DENND2B: variants seen among roughly 807,000 people sequenced by gnomAD.
DENND2B encodes DENN domain containing 2B, also known as DENN domain-containing protein 2B.
DENND2B carries 32 observed loss-of-function variants against 116.0 expected under a neutral mutation model. The ratio of observed to expected loss-of-function variants is 0.28; its 90% CI spans 0.21 to 0.37. The LOEUF (loss-of-function observed/expected upper bound fraction) is 0.37, where lower values mean the gene tolerates loss of function less well. DENND2B is among the 10% of genes least tolerant of loss of function. The pLI is 1.00. For missense variants in DENND2B, 1,276 were observed against 1,477.7 expected (o/e 0.86, Z 2.24); for synonymous variants, 588 against 583.9 (o/e 1.01, Z -0.10).
rs568358767 is a variant in DENND2B, at chr11:8,786,110, C to T, written c.-26+24407G>A. 3.3e-5 allele frequency among the ~76,000 whole-genome samples: 5 copies of T among 152,310 alleles called. No individual in the cohort carries two copies. The East Asian group carries it at 9.6e-4, about 29-fold the overall frequency. The stretch of plus-strand genomic sequence containing the variant: ...GGTATGATATAAATCCATGCCCCTG[C>T]ATATTTTAGGCTCCATTTTCTAGCA... On this transcript the variant is annotated intron_variant, in intron 1 of 19. Coordinates refer to ENST00000313726, the MANE Select transcript of DENND2B (RefSeq NM_213618.2).
chr11:8,727,491 C>T (rs2047272714), intron 3 of DENND2B, among the ~76,000 whole-genome samples: 1 of 152,198 alleles, frequency 6.6e-6, no homozygotes, highest in African/African-American at 2.4e-5. Flanking sequence ...GAGGGGTTCT[C>T]CTTTTCCATT....
chr11:8,836,177 C>T (rs1422660233), intron 4 of DENND2B, among the ~76,000 whole-genome samples: 2 of 118,574 alleles, frequency 1.7e-5, no homozygotes, highest in African/African-American at 2.9e-5. Context: ...GAAACCCCGT[C>T]TCTACTAAAA....
At chr11:8,786,128 T>C (rs1233963151) in intron 1 of DENND2B, among the ~76,000 whole-genome samples, 1 of 152,220 alleles carries the variant, frequency 6.6e-6, no homozygotes, top group Non-Finnish European at 1.5e-5. Flanking sequence ...AGGCTCCATT[T>C]TCTAGCAGAT....
chr11:8,744,213 A>G (rs2050798706), intron 2 of DENND2B, among the ~76,000 whole-genome samples: 1 of 149,928 alleles, frequency 6.7e-6, no homozygotes, highest in African/African-American at 2.5e-5. Flanking sequence ...GGCTCACCAC[A>G]ACCTCCGCCT....
At chr11:8,808,843 A>G (rs1189994802) in intron 1 of DENND2B, 2 of 152,184 alleles carry the variant, frequency 1.3e-5, no homozygotes, top group South Asian at 2.1e-4. Context: ...TGGCCGCCCT[A>G]TGGGAACAGA....
At chr11:8,895,414 T>G (rs1206099453) in intron 1 of DENND2B, 1 of 152,072 alleles carries the variant, frequency 6.6e-6, no homozygotes, top group Non-Finnish European at 1.5e-5. Flanking sequence ...TTAAAAAAAA[T>G]GGATGGACAT....
chr11:8,774,235 C>T (rs2057321911), intron 1 of DENND2B: 3 of 985,472 alleles, frequency 3.0e-6, no homozygotes, highest in South Asian at 9.4e-5. Context: ...TTCAGCCCTA[C>T]CTGTCTTTAT....
chr11:8,697,476 G>T, intron 17 of DENND2B, 49 bp downstream of exon 17: 2 of 1,472,560 alleles, frequency 1.4e-6, no homozygotes, highest in Non-Finnish European at 1.9e-6. Flanking sequence ...CTGACCCAGA[G>T]CAGAGGGAGC....
intron 2 of DENND2B, among the ~76,000 whole-genome samples, chr11:8,740,965 G>C (rs964021101): frequency 1.3e-5 from 2 of 152,200 alleles, no homozygotes; most frequent in Non-Finnish European, 2.9e-5. Flanking sequence ...GCAGAAACTT[G>C]CCCAGTAACA....
intron 11 of DENND2B, 130 bp downstream of exon 11, chr11:8,710,715 A>G (rs2043459725): frequency 6.1e-6 from 6 of 986,542 alleles, no homozygotes; most frequent in South Asian, 4.2e-5. Flanking sequence ...CTCAGGAAGC[A>G]TAACATAGGA....
At chr11:8,698,137 C>CAAA (rs33975736) in intron 16 of DENND2B, among the ~76,000 whole-genome samples, 2,355 of 39,658 alleles carry the variant, frequency 0.059, 252 homozygotes, top group Middle Eastern at 0.14. Context: ...ACCCTGTCTC[C>CAAA]AAAAAAAAAA....
At chr11:8,895,961 A>G (rs928981585) in intron 1 of DENND2B, among the ~76,000 whole-genome samples, 1 of 151,882 alleles carries the variant, frequency 6.6e-6, no homozygotes, top group African/African-American at 2.4e-5. Flanking sequence ...TAGAAATTGG[A>G]AAAAAAATGT....
At chr11:8,804,607 C>T (rs896791196) in intron 1 of DENND2B, among the ~76,000 whole-genome samples, 12 of 136,084 alleles carry the variant, frequency 8.8e-5, no homozygotes, top group Non-Finnish European at 1.7e-4. Context: ...TGCAGTGGTG[C>T]GATCTCAGCT....
intron 2 of DENND2B, among the ~76,000 whole-genome samples, chr11:8,748,689 G>A (rs1158428281): frequency 6.6e-6 from 1 of 150,740 alleles, no homozygotes; most frequent in East Asian, 1.9e-4. Flanking sequence ...AAGGGAGGCA[G>A]GAAAGGTGCT....
intron 1 of DENND2B, among the ~76,000 whole-genome samples, chr11:8,803,371 C>T (rs1349993974): frequency 6.6e-6 from 1 of 152,086 alleles, no homozygotes; most frequent in East Asian, 1.9e-4. Flanking sequence ...GGCGACCGAG[C>T]GAGACTCTGT....
intron 17 of DENND2B, 115 bp downstream of exon 17, chr11:8,697,410 C>T (rs1311257553): frequency 2.6e-6 from 2 of 759,504 alleles, no homozygotes; most frequent in Non-Finnish European, 4.5e-6. Flanking sequence ...GACCAAGGTC[C>T]TCATCAGCCA....
rs2041807831 is a variant in DENND2B at position 8,702,090 on chromosome 11, G to A, written c.2720+482C>T. 6.6e-6 allele frequency among the ~76,000 whole-genome samples: 1 copy of A among 151,986 alleles called. No individual in the cohort carries two copies. The highest frequency in any genetic ancestry group is 1.5e-5 in the Non-Finnish European group (1 of 67,998). ...GCCACTGCAGTTGCCTTCTCCAGGGGACACCCTCCACAGGACCCTCGCTGG... is the reference window on the plus strand; with the variant it reads ...GCCACTGCAGTTGCCTTCTCCAGGGAACACCCTCCACAGGACCCTCGCTGG... On this transcript the variant is annotated intron_variant, in intron 14 of 19. Coordinates refer to ENST00000313726, the MANE Select transcript of DENND2B (RefSeq NM_213618.2). The surrounding 1 kb of genome is among the most constrained non-coding windows in gnomAD (Gnocchi z 4.6).
At chr11:8,786,750 C>G (rs1201869932) in intron 1 of DENND2B, among the ~76,000 whole-genome samples, 1 of 152,160 alleles carries the variant, frequency 6.6e-6, no homozygotes, top group Non-Finnish European at 1.5e-5. Flanking sequence ...GTCGAGGCTT[C>G]AAGGCTGCAG....
intron 3 of DENND2B, chr11:8,839,477 AACTGAAC>A (rs1265862971): frequency 6.6e-5 from 10 of 152,270 alleles, no homozygotes; most frequent in African/African-American, 1.9e-4. Flanking sequence ...GACACTGTTC[AACTGAAC>A]AAGAAAGGTG....
Sources: gnomAD v4.1 joint callset for allele counts (sites outside exome capture counted in the v4.1 genomes callset) on GRCh38, gnomAD v4.1.1 for gene constraint, Gnocchi (gnomAD v3.1) non-coding constraint, MANE v1.5 for transcripts, NCBI Gene and HGNC (gene_info 2026-07-23, HGNC 2026-07-21) for gene names.